Variants in TRMT11 observed in about 807,000 individuals in gnomAD.
TRMT11 encodes tRNA (guanine(10)-N(2))-methyltransferase TRMT11.
A neutral mutation model predicts 62.8 loss-of-function variants in TRMT11; 53 were observed. The observed-to-expected ratio is 0.84, with a 90% CI of 0.68 to 1.06. The LOEUF (loss-of-function observed/expected upper bound fraction) is 1.06, where lower values mean the gene tolerates loss of function less well. Among genes scored for constraint, TRMT11 ranks in the 50% least tolerant of loss-of-function variants. TRMT11 has a pLI of 0.00. For missense variants in TRMT11, 556 were observed against 553.4 expected (o/e 1.00, Z -0.05); for synonymous variants, 188 against 190.3 (o/e 0.99, Z 0.10).
intron 11 of TRMT11, 94 bp from the exon 12 acceptor site, chr6:126,021,066 T>C: frequency 7.0e-6 from 10 of 1,421,038 alleles, no homozygotes; most frequent in Admixed American, 1.9e-5. Flanking sequence ...GAGCATGTAG[T>C]GGAAGAACAT....
At chr6:126,151,900 C>CTT (rs201596790) in intron 21 of TRMT11, among the ~76,000 whole-genome samples, 2 of 32,988 alleles carry the variant, frequency 6.1e-5, no homozygotes, top group African/African-American at 4.5e-4. Context: ...CTTTTTCTTT[C>CTT]TTTTCTCTTT....
chr6:126,140,536 G>A (rs1777905784), intron 21 of TRMT11, among the ~76,000 whole-genome samples: 2 of 152,056 alleles, frequency 1.3e-5, no homozygotes, highest in South Asian at 4.1e-4. Context: ...TTAGCTTAAT[G>A]TATTCAGTGG....
At chr6:126,002,828 T>G (rs1343149647) in intron 7 of TRMT11, among the ~76,000 whole-genome samples, 7 of 152,104 alleles carry the variant, frequency 4.6e-5, no homozygotes, top group African/African-American at 1.7e-4. Context: ...TCCTGTTTCT[T>G]TTTGTAATGA....
downstream of TRMT11, among the ~76,000 whole-genome samples, chr6:126,204,302 G>T (rs1013633988): frequency 1.3e-5 from 2 of 152,252 alleles, no homozygotes; most frequent in African/African-American, 4.8e-5. Context: ...AGCTGTTATT[G>T]TATATAGGTG....
At chr6:126,071,225 G>C (rs1776843873) in intron 17 of TRMT11, among the ~76,000 whole-genome samples, 3 of 152,000 alleles carry the variant, frequency 2.0e-5, no homozygotes, top group Non-Finnish European at 4.4e-5. Flanking sequence ...TTCCTTGGGG[G>C]GGTGGGGGTG....
At chr6:126,259,810 T>C in the TRMT11 span, among the ~76,000 whole-genome samples, 4 of 152,196 alleles carry the variant, frequency 2.6e-5, no homozygotes, top group African/African-American at 9.7e-5. Flanking sequence ...GATCTCCTTA[T>C]CATTAAAGAA....
intron 1 of TRMT11, among the ~76,000 whole-genome samples, chr6:126,184,758 G>A (rs893438527): frequency 2.0e-5 from 3 of 152,210 alleles, no homozygotes; most frequent in African/African-American, 7.2e-5. Context: ...GGTTCCAAGA[G>A]TAGGGTGAAC....
chr6:126,202,839 G>A (rs1005788396), downstream of TRMT11, among the ~76,000 whole-genome samples: 6 of 152,114 alleles, frequency 3.9e-5, no homozygotes, highest in Admixed American at 1.3e-4. Flanking sequence ...AAGCAAAGAC[G>A]GTGTTTGCTG....
chr6:126,136,160 T>G (rs1440997985), intron 21 of TRMT11, among the ~76,000 whole-genome samples: 2 of 151,594 alleles, frequency 1.3e-5, no homozygotes, highest in African/African-American at 2.4e-5. Context: ...GAGAAAGAAA[T>G]AAAGGACATC....
At chr6:126,060,222 C>T (rs754281043) in intron 17 of TRMT11, among the ~76,000 whole-genome samples, 1 of 152,188 alleles carries the variant, frequency 6.6e-6, no homozygotes, top group Non-Finnish European at 1.5e-5. Flanking sequence ...GACCTGGTTG[C>T]AGGATTTTTA....
chr6:126,094,553 A>G (rs1777318973), intron 17 of TRMT11, among the ~76,000 whole-genome samples: 1 of 152,192 alleles, frequency 6.6e-6, no homozygotes, highest in Non-Finnish European at 1.5e-5. Flanking sequence ...CCCAAACCTT[A>G]GGCCACAATA....
chr6:126,005,682 T>C (rs1156472971), intron 7 of TRMT11, among the ~76,000 whole-genome samples: 1 of 152,016 alleles, frequency 6.6e-6, no homozygotes, highest in Non-Finnish European at 1.5e-5. Flanking sequence ...TTCCAAGATA[T>C]TAGTAATTTG....
intron 11 of TRMT11, 91 bp from the exon 12 acceptor site, chr6:126,021,068 GA>G: frequency 7.0e-7 from 1 of 1,433,700 alleles, no homozygotes; most frequent in Non-Finnish European, 9.6e-7. Flanking sequence ...GCATGTAGTG[GA>G]AGAACATCCC....
chr6:126,216,931 T>C, the TRMT11 span, among the ~76,000 whole-genome samples: 1 of 152,216 alleles, frequency 6.6e-6, no homozygotes, highest in Admixed American at 6.5e-5. Flanking sequence ...TTTTTTGGTC[T>C]TCTTTTCTTT....
chr6:126,115,957 C>T (rs1035305603), intron 21 of TRMT11, among the ~76,000 whole-genome samples: 2 of 151,876 alleles, frequency 1.3e-5, no homozygotes, highest in East Asian at 1.9e-4. Flanking sequence ...TGGGCTCCCC[C>T]CTCCAAGATT....
intron 1 of TRMT11, among the ~76,000 whole-genome samples, chr6:125,988,280 G>T (rs967343902): frequency 6.6e-6 from 1 of 152,194 alleles, no homozygotes; most frequent in Non-Finnish European, 1.5e-5. Context: ...GAAGCCAGGT[G>T]GCTTGGTTTA....
At chr6:126,085,624 G>A (rs1020303581) in intron 17 of TRMT11, among the ~76,000 whole-genome samples, 3 of 152,306 alleles carry the variant, frequency 2.0e-5, no homozygotes, top group Admixed American at 1.3e-4. Flanking sequence ...CCTTGGCACA[G>A]TGGAATTCAA....
the TRMT11 span, among the ~76,000 whole-genome samples, chr6:126,250,972 C>T: frequency 2.0e-5 from 3 of 150,934 alleles, no homozygotes; most frequent in South Asian, 6.3e-4. Context: ...CAAGGCACCT[C>T]AGTCATTTCA....
chr6:126,201,708 T>A (rs903884408), intron 3 of TRMT11, among the ~76,000 whole-genome samples: 1 of 152,220 alleles, frequency 6.6e-6, no homozygotes, highest in Non-Finnish European at 1.5e-5. Flanking sequence ...TCCTATATTT[T>A]TTCCTTACAT....
Sources: allele counts gnomAD v4.1 joint callset (sites outside exome capture counted in the v4.1 genomes callset), GRCh38; gene constraint gnomAD v4.1.1; transcripts MANE v1.5; gene names NCBI Gene and HGNC (gene_info 2026-07-23, HGNC 2026-07-21).